UBE3C: variants seen among roughly 807,000 people sequenced by gnomAD.
The protein encoded by UBE3C is ubiquitin protein ligase E3C.
A neutral mutation model predicts 129.4 loss-of-function variants in UBE3C; 42 were observed. The ratio of observed to expected loss-of-function variants is 0.32; its 90% CI spans 0.25 to 0.42. UBE3C has a LOEUF of 0.42. Among genes scored for constraint, UBE3C ranks in the 10% least tolerant of loss-of-function variants. The pLI is 1.00. For synonymous variants in UBE3C, 510 were observed against 492.4 expected, an observed-to-expected ratio of 1.04 and a Z score of -0.47; for missense variants, 1,049 against 1,319.1, an observed-to-expected ratio of 0.80 and a Z score of 3.17.
At chr7:157,147,106 T>C (rs963847846) in intron 1 of UBE3C, among the ~76,000 whole-genome samples, 2 of 152,236 alleles carry the variant, frequency 1.3e-5, no homozygotes, top group Non-Finnish European at 2.9e-5. Flanking sequence ...TGTGCTGAAT[T>C]GGTAGATCAA....
intron 18 of UBE3C, among the ~76,000 whole-genome samples, chr7:157,242,232 A>G (rs567989746): frequency 1.2e-4 from 18 of 152,354 alleles, no homozygotes; most frequent in Admixed American, 2.0e-4. Flanking sequence ...GTCAGTATCA[A>G]TCGGAGTTCA....
chr7:157,239,609 C>G (rs559873407), intron 18 of UBE3C, among the ~76,000 whole-genome samples: 1 of 152,190 alleles, frequency 6.6e-6, no homozygotes, highest in African/African-American at 2.4e-5. Context: ...GAGGAAGGAT[C>G]GGAGAAGAAT....
At chr7:157,214,395 T>C (rs1809678996) in intron 13 of UBE3C, among the ~76,000 whole-genome samples, 1 of 152,188 alleles carries the variant, frequency 6.6e-6, no homozygotes. Context: ...GCAGACCTGA[T>C]CTTTCCGTTG....
intron 2 of UBE3C, among the ~76,000 whole-genome samples, chr7:157,167,119 T>TCC (rs1563036533): frequency 6.6e-6 from 1 of 152,020 alleles, no homozygotes; most frequent in African/African-American, 2.4e-5. Context: ...TTAGTAGAGA[T>TCC]GGAGTTTCAC....
At chr7:157,187,133 T>C in intron 10 of UBE3C, 112 bp downstream of exon 10, 1 of 1,262,688 alleles carries the variant, frequency 7.9e-7, no homozygotes, top group South Asian at 1.5e-5. Flanking sequence ...TAGAGATTGA[T>C]GTAGGATATT....
chr7:157,140,605 G>A (rs539264710), intron 1 of UBE3C, among the ~76,000 whole-genome samples: 19 of 152,290 alleles, frequency 1.2e-4, no homozygotes, highest in African/African-American at 4.1e-4. Flanking sequence ...TTACAAGTTC[G>A]GAAGGTGAGC....
chr7:157,233,949 G>C (rs192227296), intron 18 of UBE3C, among the ~76,000 whole-genome samples: 6 of 152,306 alleles, frequency 3.9e-5, no homozygotes, highest in Non-Finnish European at 7.3e-5. Context: ...GACTAATAAT[G>C]TTGACCATCT....
In UBE3C at chr7:157,238,622, G is replaced by A. The variant is rs75959926; in HGVS notation, c.2481+7295G>A. 3.3e-3 allele frequency among the ~76,000 whole-genome samples: 509 copies of A among 152,194 alleles called. 16 individuals are homozygous for A. The South Asian group carries it at 0.048, about 14-fold the overall frequency. On this transcript the variant is annotated intron_variant, in intron 18 of 22. Transcript: ENST00000348165. ...GTGGAGAGGGAGGCATTCTTATGGA[G>A]GCTTAGTGAGGGGCAGTTGAGGATA...
At chr7:157,242,673 C>G (rs1486946196) in intron 18 of UBE3C, among the ~76,000 whole-genome samples, 1 of 151,782 alleles carries the variant, frequency 6.6e-6, no homozygotes, top group East Asian at 1.9e-4. Context: ...TGTTTTTTAT[C>G]TTCTAGAAAT....
intron 18 of UBE3C, among the ~76,000 whole-genome samples, chr7:157,237,832 G>A (rs188410695): frequency 6.6e-6 from 1 of 152,030 alleles, no homozygotes; most frequent in African/African-American, 2.4e-5. Context: ...GAACACTTAA[G>A]CCCAGGAGTT....
At chr7:157,204,815 T>G (rs1385172777) in intron 11 of UBE3C, among the ~76,000 whole-genome samples, 1 of 152,218 alleles carries the variant, frequency 6.6e-6, no homozygotes, top group African/African-American at 2.4e-5. Context: ...GTTGGCTGTT[T>G]GATAAATAAT....
In UBE3C at chr7:157,152,903, G is replaced by A. The variant is rs145655077; in HGVS notation, c.67-10907G>A. On this transcript the variant is annotated intron_variant, in intron 1 of 22. Transcript: ENST00000348165. ...TTTCTTACAGTGCAGCTTTAACGTTGTTTAATTTTTTGCCAGGTGTGGTGA... is the reference window on the plus strand; with the variant it reads ...TTTCTTACAGTGCAGCTTTAACGTTATTTAATTTTTTGCCAGGTGTGGTGA... 2.9e-3 allele frequency among the ~76,000 whole-genome samples: 441 copies of A among 152,260 alleles called. 2 individuals are homozygous for A. Among genetic ancestry groups the A allele is most frequent in the Non-Finnish European group, 5.1e-3 (346 of 68,028 alleles).
At chr7:157,174,239 G>A (rs577530331) in intron 4 of UBE3C, among the ~76,000 whole-genome samples, 10 of 152,206 alleles carry the variant, frequency 6.6e-5, no homozygotes, top group East Asian at 3.9e-4. Flanking sequence ...GCGGGCACCC[G>A]TAATCCGAGC....
intron 1 of UBE3C, among the ~76,000 whole-genome samples, chr7:157,163,116 T>A (rs1477126783): frequency 1.3e-5 from 2 of 152,126 alleles, no homozygotes; most frequent in East Asian, 3.9e-4. Context: ...CCGGGCGCGG[T>A]GGTTCACGCC....
intron 5 of UBE3C, among the ~76,000 whole-genome samples, chr7:157,175,678 A>G (rs1196629540): frequency 1.3e-5 from 2 of 152,318 alleles, no homozygotes; most frequent in East Asian, 3.9e-4. Context: ...TTACTGTCAG[A>G]ACTAGTCTTT....
Position 157,192,687 on chromosome 7 carries a change from G to A in UBE3C, c.1331+5666G>A, listed in dbSNP as rs1017121286. On this transcript the variant is annotated intron_variant, in intron 10 of 22. Transcript: ENST00000348165. ...GGCTGTCCTGAAGTATTAGAAGGTG[G>A]ATGAGAATGACAAAATGAGCTGCCT... The A allele has an allele frequency of 6.4e-6, 5 of 777,142 alleles. No individual in the cohort carries two copies. The Admixed American group carries it at 8.5e-5, about 13-fold the overall frequency. 48.1% of individuals were successfully genotyped at this position (777,142 alleles called of 1,614,324 possible).
chr7:157,250,616 C>G (rs893675367), intron 19 of UBE3C, among the ~76,000 whole-genome samples: 45 of 152,182 alleles, frequency 3.0e-4, no homozygotes, highest in Non-Finnish European at 6.0e-4. Context: ...AGCCACCATG[C>G]CTGTCCAAGA....
At chr7:157,261,680 G>A (rs1037769979) in intron 22 of UBE3C, among the ~76,000 whole-genome samples, 2 of 152,158 alleles carry the variant, frequency 1.3e-5, no homozygotes, top group Admixed American at 1.3e-4. Context: ...AAGGCAGGCA[G>A]GCATAATTTT....
At chr7:157,249,675 T>C (rs1315877361) in intron 19 of UBE3C, among the ~76,000 whole-genome samples, 1 of 152,174 alleles carries the variant, frequency 6.6e-6, no homozygotes, top group African/African-American at 2.4e-5. Flanking sequence ...CTTCATTCCT[T>C]TTCTGGCCAA....
Sources: allele counts gnomAD v4.1 joint callset (sites outside exome capture counted in the v4.1 genomes callset), GRCh38; gene constraint gnomAD v4.1.1; transcripts MANE v1.5; gene names NCBI Gene and HGNC (gene_info 2026-07-23, HGNC 2026-07-21).